The following KLF13 variants were observed in gnomAD, a reference collection of about 807,000 sequenced individuals.
The protein encoded by KLF13 is KLF transcription factor 13.
KLF13 carries 8 observed loss-of-function variants against 16.7 expected under a neutral mutation model. That is an observed-to-expected ratio of 0.48 (90% CI 0.28 to 0.87). KLF13 has a LOEUF of 0.87. Among genes scored for constraint, KLF13 ranks in the 40% least tolerant of loss-of-function variants. The pLI is 0.10. For missense variants in KLF13, 447 were observed against 452.2 expected, an observed-to-expected ratio of 0.99 and a Z score of 0.10; for synonymous variants, 245 against 208.4, an observed-to-expected ratio of 1.18 and a Z score of -1.51.
intron 2 of KLF13, among the ~76,000 whole-genome samples, chr15:31,397,443 C>G (rs576871642): frequency 2.0e-5 from 3 of 152,262 alleles, no homozygotes; most frequent in Non-Finnish European, 4.4e-5. Context: ...CGCGCACTTG[C>G]AAAGGCTGCA....
At chr15:31,387,962 G>A (rs1247543350), upstream of KLF13, among the ~76,000 whole-genome samples, 1 of 152,202 alleles carries the variant, frequency 6.6e-6, no homozygotes, top group African/African-American at 2.4e-5. Flanking sequence ...AAACAGCATG[G>A]AATAAAAATA....
rs12595328 is a variant in KLF13, at chr15:31,333,956, G to C, written c.577+6167G>C. On this transcript the variant is annotated intron_variant, in intron 1 of 1. Coordinates refer to ENST00000307145, the MANE Select transcript of KLF13 (RefSeq NM_015995.4). ...CTGGGCACTTCCATCGCCTCATGGG[G>C]GGGGGAGGGCATGGGATATTAGCCT... Among the ~76,000 whole-genome samples the C allele has an allele frequency of 7.7e-4, 117 of 152,304 alleles. No homozygotes were observed. In the East Asian group the frequency reaches 0.016, roughly 21 times the overall value.
At chr15:31,430,723 T>A (rs1278392995) in intron 1 of KLF13, among the ~76,000 whole-genome samples, 1 of 152,168 alleles carries the variant, frequency 6.6e-6, no homozygotes, top group Non-Finnish European at 1.5e-5. Context: ...TTCAACAAGT[T>A]GAAAGAGAAG....
chr15:31,409,638 A>T (rs150236114), downstream of KLF13, among the ~76,000 whole-genome samples: 39 of 152,302 alleles, frequency 2.6e-4, no homozygotes, highest in African/African-American at 8.7e-4. Context: ...CAGCCAGAGA[A>T]AAAGGACACG....
At chr15:31,425,516 C>T (rs1405289031) in intron 1 of KLF13, among the ~76,000 whole-genome samples, 5 of 152,180 alleles carry the variant, frequency 3.3e-5, no homozygotes, top group Admixed American at 6.5e-5. Flanking sequence ...AGACCATAAC[C>T]AAAGCCTGCT....
rs12591305 is a variant in KLF13, at chr15:31,423,139, G to A, written n.118-12231G>A. 0.013 allele frequency among the ~76,000 whole-genome samples: 190 copies of A among 15,142 alleles called. 40 individuals carry two copies. The African/African-American group carries it at 0.13, about 10-fold the overall frequency. The allele number at this position is 15,142 out of a possible 152,430, so 9.9% of individuals were successfully genotyped here. On this transcript the variant is annotated intron_variant and non_coding_transcript_variant, in intron 1 of 1. Transcript: ENST00000558225. ...TATATATACGTATATATACGTATAC[G>A]TATACGTATATATACGTATATATAT...
chr15:31,378,108 A>G (rs1027957670), downstream of KLF13, among the ~76,000 whole-genome samples: 5 of 152,042 alleles, frequency 3.3e-5, no homozygotes, highest in Non-Finnish European at 5.9e-5. Context: ...TGCCCATGGG[A>G]AGCTATTTCA....
chr15:31,372,434 TA>T lies in KLF13; in HGVS notation c.*138del, dbSNP rs1214600796. The T allele has an allele frequency of 1.6e-5, 16 of 1,020,832 alleles. No homozygotes were observed. The highest frequency in any genetic ancestry group is 2.1e-5 in the Non-Finnish European group (16 of 761,190). 63.2% of individuals were successfully genotyped at this position (1,020,832 alleles called of 1,614,324 possible). ...ATTTTTTTCACCTCAGGTGTCAAAG[TA>T]AATTTGTTAAAAAAACAAAAAAAAC... On this transcript the variant is annotated 3_prime_UTR_variant, in exon 2 of 2. Transcript: ENST00000307145.
chr15:31,429,858 C>T (rs968213776), intron 1 of KLF13, among the ~76,000 whole-genome samples: 2 of 151,722 alleles, frequency 1.3e-5, no homozygotes, highest in African/African-American at 2.4e-5. Context: ...CTCAGCCTCC[C>T]GAGTAGCTGG....
At chr15:31,396,601 C>CAGT (rs1277382664) in intron 2 of KLF13, among the ~76,000 whole-genome samples, 1 of 152,146 alleles carries the variant, frequency 6.6e-6, no homozygotes, top group Non-Finnish European at 1.5e-5. Context: ...TCAGATGAGC[C>CAGT]AGTTTATTGA....
chr15:31,413,048 G>A (rs1280823761), intron 1 of KLF13, among the ~76,000 whole-genome samples: 1 of 152,094 alleles, frequency 6.6e-6, no homozygotes, highest in African/African-American at 2.4e-5. Flanking sequence ...ATGCCCCAGG[G>A]CACTCTTGAA....
intron 1 of KLF13, among the ~76,000 whole-genome samples, chr15:31,369,679 A>G (rs2039527612): frequency 6.6e-6 from 1 of 152,160 alleles, no homozygotes; most frequent in Non-Finnish European, 1.5e-5. Context: ...CCTGTGCTCC[A>G]GTGACCTCCC....
chr15:31,400,510 C>T (rs1261097469), intron 2 of KLF13, among the ~76,000 whole-genome samples: 5 of 152,282 alleles, frequency 3.3e-5, no homozygotes, highest in African/African-American at 1.2e-4. Context: ...ACTCAAATCC[C>T]AGGTCCAGAG....
At chr15:31,328,816 A>T (rs947662881) in intron 1 of KLF13, among the ~76,000 whole-genome samples, 1 of 152,158 alleles carries the variant, frequency 6.6e-6, no homozygotes, top group African/African-American at 2.4e-5. Context: ...ATTTTGGTGT[A>T]AAGAATTGTA....
downstream of KLF13, chr15:31,377,926 G>C (rs945057341): frequency 1.3e-5 from 2 of 152,420 alleles, no homozygotes; most frequent in Non-Finnish European, 2.9e-5. Flanking sequence ...TCTTTGAAGA[G>C]CATGTCTTGC....
chr15:31,430,962 T>C (rs2040464666), intron 1 of KLF13, among the ~76,000 whole-genome samples: 2 of 152,300 alleles, frequency 1.3e-5, no homozygotes, highest in South Asian at 4.1e-4. Flanking sequence ...CAATTCATCA[T>C]AGCCCCTGCT....
chr15:31,355,746 C>CAT (rs1204294354), intron 1 of KLF13, among the ~76,000 whole-genome samples: 1 of 152,044 alleles, frequency 6.6e-6, no homozygotes, highest in African/African-American at 2.4e-5. Flanking sequence ...GCAGGTGACC[C>CAT]ATACATTACA....
intron 1 of KLF13, among the ~76,000 whole-genome samples, chr15:31,340,922 T>C (rs2039011901): frequency 6.6e-6 from 1 of 152,086 alleles, no homozygotes; most frequent in Non-Finnish European, 1.5e-5. Context: ...TATTGGAAAG[T>C]GTTAAAGGAG....
chr15:31,422,429 G>C (rs2040339796), intron 1 of KLF13, among the ~76,000 whole-genome samples: 1 of 152,096 alleles, frequency 6.6e-6, no homozygotes, highest in South Asian at 2.1e-4. Flanking sequence ...AGGGGAAACG[G>C]TAGATGCTTA....
Sources: allele counts gnomAD v4.1 joint callset (sites outside exome capture counted in the v4.1 genomes callset), GRCh38; gene constraint gnomAD v4.1.1; transcripts MANE v1.5; gene names NCBI Gene and HGNC (gene_info 2026-07-23, HGNC 2026-07-21).